MAN1C1: variants seen among roughly 807,000 people sequenced by gnomAD.
The protein encoded by MAN1C1 is mannosidase alpha class 1C member 1.
MAN1C1 carries 49 observed loss-of-function variants against 71.5 expected under a neutral mutation model. That is an observed-to-expected ratio of 0.69 (90% CI 0.54 to 0.87). The LOEUF (loss-of-function observed/expected upper bound fraction) is 0.87. MAN1C1 is among the 40% of genes least tolerant of loss of function. MAN1C1 has a pLI of 0.00. For missense variants in MAN1C1, 743 were observed against 835.0 expected (o/e 0.89, Z 1.36); for synonymous variants, 352 against 343.7 (o/e 1.02, Z -0.27).
At chr1:25,749,000 G>C (rs575807997) in intron 3 of MAN1C1, among the ~76,000 whole-genome samples, 1 of 152,378 alleles carries the variant, frequency 6.6e-6, no homozygotes, top group South Asian at 2.1e-4. Flanking sequence ...GCATCGCTTT[G>C]CTGCCATCAT....
chr1:25,732,094 G>A (rs185309681), intron 2 of MAN1C1, among the ~76,000 whole-genome samples: 2 of 152,200 alleles, frequency 1.3e-5, no homozygotes, highest in Admixed American at 6.5e-5. Flanking sequence ...GCCATCCCTC[G>A]AGGGCATCTG....
intron 1 of MAN1C1, among the ~76,000 whole-genome samples, chr1:25,670,326 A>G (rs2045977054): frequency 6.6e-6 from 1 of 152,232 alleles, no homozygotes. Context: ...TCTCTCTGCC[A>G]CTTGCATTGG....
intron 1 of MAN1C1, among the ~76,000 whole-genome samples, chr1:25,626,544 G>A (rs1327359492): frequency 6.6e-6 from 1 of 151,968 alleles, no homozygotes; most frequent in Non-Finnish European, 1.5e-5. Context: ...ATTTTTAGTA[G>A]AGATGGGGTT....
Position 25,778,062 on chromosome 1 carries a change from TC to T in MAN1C1, c.1258-40del, listed in dbSNP as rs1319858506. The T allele has an allele frequency of 2.1e-6, 3 of 1,423,904 alleles. No individual in the cohort carries two copies. The African/African-American group carries it at 4.3e-5, about 20-fold the overall frequency. 88.2% of individuals were successfully genotyped at this position (1,423,904 alleles called of 1,614,324 possible). A position where few individuals can be genotyped will look rare whatever the true frequency, so the allele number is the denominator to read the frequency against. On this transcript the variant is annotated intron_variant, in intron 8 of 11. Transcript: ENST00000374332. This position sits in a 1 kb window ranked among gnomAD's most constrained non-coding sequence, Gnocchi z 5.5. ...TCCTTTCCCCCCCTTCTCTGTGCCC[TC>T]CCACGCCCCTTCTCCCTGCCCAATC...
At chr1:25,717,505 A>G (rs976737488) in intron 2 of MAN1C1, among the ~76,000 whole-genome samples, 15 of 152,112 alleles carry the variant, frequency 9.9e-5, no homozygotes, top group Middle Eastern at 3.4e-3. Context: ...CCTAGGCAAC[A>G]GAGTGAGACC....
chr1:25,758,507 C>G (rs1419725392), intron 5 of MAN1C1, 85 bp from the exon 6 acceptor site: 2 of 1,155,784 alleles, frequency 1.7e-6, no homozygotes, highest in Non-Finnish European at 2.6e-6. Flanking sequence ...TAGTAGGTGC[C>G]CCCACCGAGC....
intron 1 of MAN1C1, among the ~76,000 whole-genome samples, chr1:25,657,290 C>T (rs887743783): frequency 4.6e-5 from 7 of 152,214 alleles, no homozygotes; most frequent in Non-Finnish European, 7.3e-5. Context: ...GCAGACTGCC[C>T]TTCCCCACGC....
chr1:25,678,869 C>T (rs7533178), intron 1 of MAN1C1, among the ~76,000 whole-genome samples: 2,666 of 152,234 alleles, frequency 0.018, 32 homozygotes, highest in African/African-American at 0.03. Flanking sequence ...CAGAGAAAGA[C>T]GCCAAAATGG....
chr1:25,723,882 GA>G, intron 2 of MAN1C1, among the ~76,000 whole-genome samples: 1 of 152,334 alleles, frequency 6.6e-6, no homozygotes, highest in East Asian at 1.9e-4. Flanking sequence ...TGGGACTGGA[GA>G]AAAGGCCAGC....
At chr1:25,716,579 G>C (rs1188031957) in intron 2 of MAN1C1, among the ~76,000 whole-genome samples, 1 of 152,072 alleles carries the variant, frequency 6.6e-6, no homozygotes, top group Non-Finnish European at 1.5e-5. Flanking sequence ...CGCCCACCTT[G>C]GCCTCCCAAA....
At position 25,784,177 on chromosome 1, in the gene MAN1C1, T is replaced by C. The variant is rs964836755; in HGVS notation, c.*388T>C. ...AGTTTAGTTTTGTCACAATTACACA[T>C]ATAGTTTTCAAAATCATGCACTTTC... On this transcript the variant is annotated 3_prime_UTR_variant, in exon 12 of 12. Coordinates refer to ENST00000374332, the MANE Select transcript of MAN1C1 (RefSeq NM_020379.4). 42 of 166,416 alleles carry C rather than the reference T, an allele frequency of 2.5e-4. No homozygotes were observed. The highest frequency in any genetic ancestry group is 9.5e-4 in the African/African-American group (40 of 42,106). 10.3% of individuals were successfully genotyped at this position (166,416 alleles called of 1,614,324 possible).
chr1:25,720,627 A>T (rs1025140636), intron 2 of MAN1C1, among the ~76,000 whole-genome samples: 1 of 152,190 alleles, frequency 6.6e-6, no homozygotes, highest in Admixed American at 6.5e-5. Context: ...TCTGTGGGTT[A>T]TCTTTTCTCT....
At chr1:25,768,648 CCA>C (rs139334017) in intron 7 of MAN1C1, among the ~76,000 whole-genome samples, 4,382 of 106,120 alleles carry the variant, frequency 0.041, 493 homozygotes, top group African/African-American at 0.055. Context: ...ACACACTCCC[CCA>C]CACACACAGA....
rs78945826 is a variant in MAN1C1, at chr1:25,730,925, A to C, written c.638-15743A>C. On this transcript the variant is annotated intron_variant, in intron 2 of 11. Transcript: ENST00000374332. This position sits in a 1 kb window ranked among gnomAD's most constrained non-coding sequence, Gnocchi z 4.3. The stretch of plus-strand genomic sequence containing the variant: ...ACTCGCTGCTGGCTCAGAGAGGTTA[A>C]GTCATTTGGCTGTGGTCACAGGCTG... Among the ~76,000 whole-genome samples the C allele has an allele frequency of 0.023, 3,438 of 152,324 alleles. 61 individuals are homozygous for C. The highest frequency in any genetic ancestry group is 0.032 in the Non-Finnish European group (2,184 of 68,026).
At chr1:25,723,991 C>T (rs1302223729) in intron 2 of MAN1C1, among the ~76,000 whole-genome samples, 1 of 151,596 alleles carries the variant, frequency 6.6e-6, no homozygotes, top group African/African-American at 2.4e-5. Flanking sequence ...CAGAGTTCAC[C>T]TGATCCAGGC....
chr1:25,768,345 CCA>C (rs200461421), intron 7 of MAN1C1, among the ~76,000 whole-genome samples: 73 of 97,174 alleles, frequency 7.5e-4, no homozygotes, highest in African/African-American at 2.0e-3. Context: ...CTCACACACA[CCA>C]CACACACACA....
chr1:25,751,243 ATCTTT>A (rs1196550852), intron 4 of MAN1C1, among the ~76,000 whole-genome samples: 2 of 138,154 alleles, frequency 1.4e-5, no homozygotes, highest in Non-Finnish European at 3.1e-5. Flanking sequence ...CCTTCCATCC[ATCTTT>A]TCTTCTGTCC....
intron 1 of MAN1C1, among the ~76,000 whole-genome samples, chr1:25,676,507 A>G (rs2046070537): frequency 6.6e-6 from 1 of 152,178 alleles, no homozygotes; most frequent in South Asian, 2.1e-4. Flanking sequence ...TTAGGTGCCA[A>G]GCTGTCAGCT....
chr1:25,650,193 G>A (rs1449834604), intron 1 of MAN1C1, among the ~76,000 whole-genome samples: 4 of 152,210 alleles, frequency 2.6e-5, no homozygotes, highest in Admixed American at 2.0e-4. Flanking sequence ...GGTCATTTCT[G>A]CCAAAAGACA....
Sources: gnomAD v4.1 joint callset for allele counts (sites outside exome capture counted in the v4.1 genomes callset) on GRCh38, gnomAD v4.1.1 for gene constraint, Gnocchi (gnomAD v3.1) non-coding constraint, MANE v1.5 for transcripts, NCBI Gene and HGNC (gene_info 2026-07-23, HGNC 2026-07-21) for gene names.